Variants in RYR2 observed in about 807,000 individuals in gnomAD.
RYR2 encodes the protein ryanodine receptor 2.
Under a neutral mutation model 601.1 loss-of-function variants are expected in RYR2, and 227 were observed. The ratio of observed to expected loss-of-function variants is 0.38; its 90% CI spans 0.34 to 0.42. The LOEUF (loss-of-function observed/expected upper bound fraction) is 0.42, where lower values mean the gene tolerates loss of function less well. Among genes scored for constraint, RYR2 ranks in the 10% least tolerant of loss-of-function variants. RYR2 has a pLI of 1.00. For synonymous variants in RYR2, 2,223 were observed against 2,175.1 expected (o/e 1.02, Z -0.61); for missense variants, 4,646 against 6,156.5 (o/e 0.75, Z 8.21).
chr1:237,095,490 A>G (rs1190927019), intron 1 of RYR2, among the ~76,000 whole-genome samples: 1 of 152,236 alleles, frequency 6.6e-6, no homozygotes, highest in African/African-American at 2.4e-5. Flanking sequence ...AGTGCTATAC[A>G]AAGCCAAAGG....
chr1:237,272,322 C>CAAAAA (rs56155088), intron 2 of RYR2, among the ~76,000 whole-genome samples: 1 of 142,082 alleles, frequency 7.0e-6, no homozygotes, highest in Non-Finnish European at 1.5e-5. Flanking sequence ...AGGATCGAAC[C>CAAAAA]AAAAAAAAAA....
intron 1 of RYR2, among the ~76,000 whole-genome samples, chr1:237,196,285 C>T (rs918080437): frequency 6.6e-5 from 10 of 152,096 alleles, no homozygotes; most frequent in Admixed American, 6.6e-4. Flanking sequence ...TGGAAACATA[C>T]TTGTCTGGCT....
At chr1:237,118,793 T>G (rs557542476) in intron 1 of RYR2, among the ~76,000 whole-genome samples, 1 of 152,234 alleles carries the variant, frequency 6.6e-6, no homozygotes, top group Non-Finnish European at 1.5e-5. Flanking sequence ...GTTACATCTT[T>G]TATAAAGATT....
intron 1 of RYR2, among the ~76,000 whole-genome samples, chr1:237,077,377 A>G (rs1358681991): frequency 8.0e-6 from 1 of 125,776 alleles, no homozygotes; most frequent in East Asian, 2.2e-4. Context: ...TATTCAGGAA[A>G]CCCATCTCAC....
intron 94 of RYR2, among the ~76,000 whole-genome samples, chr1:237,793,644 A>G (rs1213630954): frequency 6.6e-6 from 1 of 152,214 alleles, no homozygotes; most frequent in Non-Finnish European, 1.5e-5. Flanking sequence ...ATGTGTTTAA[A>G]AACATATGCA....
chr1:237,445,555 T>C, intron 14 of RYR2, 33 bp downstream of exon 14: 1 of 1,610,504 alleles, frequency 6.2e-7, no homozygotes, highest in Non-Finnish European at 8.5e-7. Flanking sequence ...AGTTGTTTGA[T>C]ACTTCATTTT....
At position 237,778,722 on chromosome 1, in the gene RYR2, G is replaced by A; in HGVS notation, c.11832G>A (p.Val3944=). Residue 3944 remains valine (V), a synonymous_variant, in exon 88 of 105, where the codon GTG becomes GTA. Transcript: ENST00000366574. ...SLAHSRLWDA[V]VGFLHVFAHM... ...CACACAGCAGGCTGTGGGATGCTGT[G>A]GTCGGCTTTCTTCATGTGTTTGCCC... The A allele has an allele frequency of 6.2e-7, 1 of 1,612,234 alleles. No homozygotes were observed. Among genetic ancestry groups the A allele is most frequent in the Non-Finnish European group, 8.5e-7 (1 of 1,178,486 alleles).
chr1:237,706,254 A>C (rs1207285799), intron 67 of RYR2, among the ~76,000 whole-genome samples: 1 of 152,072 alleles, frequency 6.6e-6, no homozygotes, highest in African/African-American at 2.4e-5. Flanking sequence ...TCTCAGCAGC[A>C]ACAACAAAAA....
At chr1:237,374,819 G>T (rs758301383) in intron 7 of RYR2, 24 bp downstream of exon 7, 1 of 1,593,772 alleles carries the variant, frequency 6.3e-7, no homozygotes. Flanking sequence ...GCTGCGGGAA[G>T]CCAGGTTCAG....
chr1:237,311,085 T>C (rs1443984805), intron 2 of RYR2, among the ~76,000 whole-genome samples: 1 of 152,200 alleles, frequency 6.6e-6, no homozygotes, highest in Non-Finnish European at 1.5e-5. Flanking sequence ...GCATTATCAT[T>C]ATTGATTATA....
intron 17 of RYR2, among the ~76,000 whole-genome samples, chr1:237,490,874 C>G (rs1282427475): frequency 6.6e-6 from 1 of 152,122 alleles, no homozygotes; most frequent in Non-Finnish European, 1.5e-5. Context: ...AATATTAACT[C>G]CATTTGAGAT....
chr1:237,425,296 G>C (rs2150068557), intron 12 of RYR2, among the ~76,000 whole-genome samples: 1 of 151,852 alleles, frequency 6.6e-6, no homozygotes, highest in East Asian at 1.9e-4. Context: ...TTGCAACATG[G>C]GGATATAGGG....
chr1:237,289,903 T>A (rs900990722), intron 2 of RYR2, among the ~76,000 whole-genome samples: 1 of 152,196 alleles, frequency 6.6e-6, no homozygotes, highest in Non-Finnish European at 1.5e-5. Flanking sequence ...GTTGCACATG[T>A]TTTTTCCAGT....
intron 29 of RYR2, among the ~76,000 whole-genome samples, chr1:237,572,645 T>G (rs1189422083): frequency 6.6e-6 from 1 of 152,170 alleles, no homozygotes; most frequent in African/African-American, 2.4e-5. Context: ...AATTTTGTGG[T>G]TGAGGTTGCT....
At chr1:237,732,013 A>G (rs755567950) in intron 77 of RYR2, 33 bp from the exon 78 acceptor site, 2 of 1,389,864 alleles carry the variant, frequency 1.4e-6, no homozygotes, top group East Asian at 4.6e-5. Context: ...TTTTTTTTTA[A>G]TGTGACATTT....
At chr1:237,508,978 G>A (rs1479219869) in intron 23 of RYR2, among the ~76,000 whole-genome samples, 1 of 151,724 alleles carries the variant, frequency 6.6e-6, no homozygotes, top group Non-Finnish European at 1.5e-5. Flanking sequence ...TCCTGACCTC[G>A]TGATCCGCCC....
intron 3 of RYR2, among the ~76,000 whole-genome samples, chr1:237,335,869 T>G (rs1697197608): frequency 6.6e-6 from 1 of 152,226 alleles, no homozygotes; most frequent in Non-Finnish European, 1.5e-5. Flanking sequence ...TTATGGATGA[T>G]ACTTTAAAAA....
At chr1:237,768,159 C>G (rs572716267) in intron 84 of RYR2, among the ~76,000 whole-genome samples, 210 of 152,104 alleles carry the variant, frequency 1.4e-3, no homozygotes, top group African/African-American at 4.4e-3. Flanking sequence ...TAGATTATTT[C>G]CAAGAAAAAA....
chr1:237,074,503 C>T (rs183128623), intron 1 of RYR2, among the ~76,000 whole-genome samples: 120 of 152,256 alleles, frequency 7.9e-4, no homozygotes, highest in African/African-American at 2.5e-3. Flanking sequence ...GCAGGATTCA[C>T]CATGATGTCA....
Sources: allele counts gnomAD v4.1 joint callset (sites outside exome capture counted in the v4.1 genomes callset), GRCh38; gene constraint gnomAD v4.1.1; transcripts MANE v1.5; gene names NCBI Gene and HGNC (gene_info 2026-07-23, HGNC 2026-07-21).